The following SLC25A18 variants were observed in gnomAD, a reference collection of about 807,000 sequenced individuals.
SLC25A18 encodes solute carrier family 25 member 18, also known as mitochondrial glutamate carrier 2.
In SLC25A18, 24 loss-of-function variants were observed where a neutral mutation model predicts 31.1. That is an observed-to-expected ratio of 0.77 (90% confidence interval 0.56 to 1.08). SLC25A18 has a LOEUF of 1.08. Among genes scored for constraint, SLC25A18 ranks in the 50% least tolerant of loss-of-function variants. The probability of loss-of-function intolerance (pLI) is 0.00; values close to 1 mark genes in which losing one functional copy is unlikely to be tolerated. For synonymous variants in SLC25A18, 173 were observed against 161.9 expected (o/e 1.07, Z -0.52); for missense variants, 371 against 418.5 (o/e 0.89, Z 0.99).
chr22:17,584,297 G>A (rs1320019778), intron 7 of SLC25A18, among the ~76,000 whole-genome samples: 2 of 151,800 alleles, frequency 1.3e-5, no homozygotes, highest in African/African-American at 2.4e-5. Context: ...GGAGGCTGAG[G>A]CAGGAGAATG....
Position 17,563,944 on chromosome 22 carries a change from C to T in SLC25A18, c.-264+231C>T, listed in dbSNP as rs974890030. On this transcript the variant is annotated intron_variant, in intron 1 of 10. Transcript: ENST00000327451. ...GTTCCTCCCTGCCATGCAATCGTAC[C>T]GGGAGGGTGGAGTGTTGGTGTTCTC... Among the ~76,000 whole-genome samples, 5 of 152,096 alleles carry T rather than the reference C, an allele frequency of 3.3e-5. 1 individual carries two copies. The highest frequency in any genetic ancestry group is 5.9e-5 in the Non-Finnish European group (4 of 68,006).
chr22:17,570,672 G>A (rs919482878), intron 2 of SLC25A18, among the ~76,000 whole-genome samples: 1 of 152,096 alleles, frequency 6.6e-6, no homozygotes, highest in Non-Finnish European at 1.5e-5. Context: ...TATTAGTAGA[G>A]ATGGGGCTTC....
chr22:17,574,570 G>A (rs1195527867), intron 2 of SLC25A18, among the ~76,000 whole-genome samples: 2 of 148,982 alleles, frequency 1.3e-5, no homozygotes, highest in African/African-American at 5.0e-5. Flanking sequence ...AGGCTAGAGT[G>A]CAATGGCGTC....
Position 17,590,241 on chromosome 22 carries a change from A to G in SLC25A18, c.*5A>G. On this transcript the variant is annotated 3_prime_UTR_variant, in exon 11 of 11. Transcript: ENST00000327451. ...ATCTTAAAGTGTTTTGACTAGACAG[A>G]GCTGGAGGTCAAGTCCCTGCGCTTG... 1 of 1,614,186 alleles carries G rather than the reference A, an allele frequency of 6.2e-7. No homozygotes were observed. Among genetic ancestry groups the G allele is most frequent in the Non-Finnish European group, 8.5e-7 (1 of 1,180,032 alleles).
chr22:17,578,086 A>G (rs762579731), intron 2 of SLC25A18, among the ~76,000 whole-genome samples: 17 of 149,806 alleles, frequency 1.1e-4, no homozygotes, highest in Non-Finnish European at 2.5e-4. Flanking sequence ...CTGGCCTCAA[A>G]TAATCCTCCC....
At chr22:17,568,764 T>G (rs1004469326) in intron 1 of SLC25A18, among the ~76,000 whole-genome samples, 2 of 151,370 alleles carry the variant, frequency 1.3e-5, no homozygotes, top group African/African-American at 4.9e-5. Context: ...GGTTTCACCG[T>G]GTTAGCCAGG....
intron 2 of SLC25A18, among the ~76,000 whole-genome samples, chr22:17,574,236 G>GA (rs1229476795): frequency 2.0e-5 from 3 of 150,190 alleles, no homozygotes; most frequent in East Asian, 2.0e-4. Flanking sequence ...CTTGTCCCCT[G>GA]AAAAAAAGAA....
rs1289436722 is a variant in SLC25A18 at position 17,590,653 on chromosome 22, A to G, written c.*417A>G. 1.2e-5 allele frequency: 2 copies of G among 172,514 alleles called. No homozygotes were observed. Among genetic ancestry groups the G allele is most frequent in the African/African-American group, 4.7e-5 (2 of 42,246 alleles). 10.7% of individuals were successfully genotyped at this position (172,514 alleles called of 1,614,324 possible). A position where few individuals can be genotyped will look rare whatever the true frequency, so the allele number is the denominator to read the frequency against. On this transcript the variant is annotated 3_prime_UTR_variant, in exon 11 of 11. Coordinates refer to ENST00000327451, the MANE Select transcript of SLC25A18 (RefSeq NM_031481.3). ...TTGTTAATCTTGGACTCCATAACTT[A>G]TGAGTCCTAGCACTGATTTTGAGGA...
chr22:17,573,176 A>G lies in SLC25A18; in HGVS notation c.-201+3190A>G, dbSNP rs565362383. ...TTACTTTAAGCACTTTAAGAAAGGG[A>G]GCAGATGTTCATTAGTAACAAAAAG... On this transcript the variant is annotated intron_variant, in intron 2 of 10. Transcript: ENST00000327451. Among the ~76,000 whole-genome samples, 4 of 152,228 alleles carry G rather than the reference A, an allele frequency of 2.6e-5. No individual in the cohort carries two copies. The South Asian group carries it at 6.2e-4, about 24-fold the overall frequency.
At chr22:17,565,188 C>G (rs2056903426) in intron 1 of SLC25A18, among the ~76,000 whole-genome samples, 1 of 152,130 alleles carries the variant, frequency 6.6e-6, no homozygotes, top group Non-Finnish European at 1.5e-5. Context: ...TCACGCCATT[C>G]TCCTGCCTCA....
chr22:17,574,518 T>TA (rs2057176871), intron 2 of SLC25A18, among the ~76,000 whole-genome samples: 1 of 138,986 alleles, frequency 7.2e-6, no homozygotes, highest in African/African-American at 2.6e-5. Context: ...TTCTTTTTTT[T>TA]TTTTATTTTT....
At chr22:17,566,962 A>T (rs1411469173) in intron 1 of SLC25A18, among the ~76,000 whole-genome samples, 1 of 152,144 alleles carries the variant, frequency 6.6e-6, no homozygotes. Flanking sequence ...GGAGTTGTAC[A>T]CCTGCCTAGG....
In SLC25A18 at chr22:17,583,397, C is replaced by T. The variant is rs574526235; in HGVS notation, c.291-19C>T. The T allele has an allele frequency of 1.2e-6, 2 of 1,613,768 alleles. No individual in the cohort carries two copies. The highest frequency in any genetic ancestry group is 1.3e-5 in the African/African-American group (1 of 75,058). On this transcript the variant is annotated intron_variant, in intron 6 of 10. Coordinates refer to ENST00000327451, the MANE Select transcript of SLC25A18 (RefSeq NM_031481.3). Reference sequence around the variant, plus strand: ...GCCTGTGGCCTGCGGCTGAAGGAGCCTGACGCCTGTTCCCATAGGATGCAG... The same window carrying T: ...GCCTGTGGCCTGCGGCTGAAGGAGCTTGACGCCTGTTCCCATAGGATGCAG...
intron 2 of SLC25A18, among the ~76,000 whole-genome samples, chr22:17,576,213 G>A (rs1267526157): frequency 1.3e-5 from 2 of 151,972 alleles, no homozygotes; most frequent in South Asian, 2.1e-4. Flanking sequence ...TTAGCCATTC[G>A]TGGTGGTGTG....
At chr22:17,569,175 A>T (rs2057024059) in intron 1 of SLC25A18, among the ~76,000 whole-genome samples, 1 of 151,346 alleles carries the variant, frequency 6.6e-6, no homozygotes, top group South Asian at 2.1e-4. Flanking sequence ...CGCCCAGCTA[A>T]TTTTTTGTAT....
chr22:17,567,973 C>T (rs1191096197), intron 1 of SLC25A18, among the ~76,000 whole-genome samples: 1 of 151,874 alleles, frequency 6.6e-6, no homozygotes, highest in East Asian at 2.0e-4. Context: ...GATGGGTCTA[C>T]TTTATTGCTG....
chr22:17,568,172 G>A (rs1160376117), intron 1 of SLC25A18, among the ~76,000 whole-genome samples: 1 of 151,944 alleles, frequency 6.6e-6, no homozygotes, highest in African/African-American at 2.4e-5. Flanking sequence ...AGACCATCCT[G>A]GCTAACATGG....
Position 17,590,491 on chromosome 22 carries a change from T to TCAA in SLC25A18, c.*259_*261dup. ...TTGGAAGCCCCTAACCACCTACTTT[T>TCAA]CAACAAAAATGGTACTTTCGTTGTA... On this transcript the variant is annotated 3_prime_UTR_variant, in exon 11 of 11. Transcript: ENST00000327451. 2.6e-6 allele frequency: 1 copy of TCAA among 389,950 alleles called. No individual in the cohort carries two copies. The highest frequency in any genetic ancestry group is 7.0e-5 in the South Asian group (1 of 14,332). 24.2% of individuals were successfully genotyped at this position (389,950 alleles called of 1,614,324 possible).
In SLC25A18 at chr22:17,563,712, CAGTA is replaced by C. The variant is rs1405158430; in HGVS notation, c.-264+4_-264+7del. ...GTCGACTCGCTTGCAGGCAAGTTGT[CAGTA>C]AGTATTTATTAAATACCCACCGTGA... On this transcript the variant is annotated splice_donor_variant and splice_donor_region_variant and 5_prime_UTR_variant and intron_variant, in exon 1 of 11. Transcript: ENST00000327451. LOFTEE classifies it low-confidence loss of function (5UTR_SPLICE). 6.1e-6 allele frequency: 6 copies of C among 985,168 alleles called. No individual in the cohort carries two copies. Among genetic ancestry groups the C allele is most frequent in the South Asian group, 4.7e-5 (1 of 21,278 alleles). The allele number at this position is 985,168 out of a possible 1,614,324, so 61.0% of individuals were successfully genotyped here.
Sources: allele counts gnomAD v4.1 joint callset (sites outside exome capture counted in the v4.1 genomes callset), GRCh38; gene constraint gnomAD v4.1.1; transcripts MANE v1.5; gene names NCBI Gene and HGNC (gene_info 2026-07-23, HGNC 2026-07-21).